The following AMACR variants were observed in gnomAD, a reference collection of about 807,000 sequenced individuals.
The protein encoded by AMACR is alpha-methylacyl-CoA racemase, also known as 2-methylacyl-CoA racemase.
AMACR carries 18 observed loss-of-function variants against 22.2 expected under a neutral mutation model. That is an observed-to-expected ratio of 0.81 (90% CI 0.56 to 1.20). The LOEUF (loss-of-function observed/expected upper bound fraction) is 1.20. AMACR is among the 50% of genes most tolerant of loss of function. The pLI is 0.00. For missense variants in AMACR, 499 were observed against 490.6 expected (o/e 1.02, Z -0.16); for synonymous variants, 213 against 191.3 (o/e 1.11, Z -0.94).
Position 33,998,795 on chromosome 5 carries a change from C to A in AMACR, c.585G>T (p.Leu195=). ...ACAGACTCAATTTCTGAGTTTTCCA[C>A]AGAAAAGAACTTAAATATGCTGTTC... ...VEGTAYLSSF[L]WKTQKLSLWE... The change falls in exon 4 of 5, where the codon CTG becomes CTT. Residue 195 remains leucine, a synonymous_variant. Coordinates refer to ENST00000335606, the MANE Select transcript of AMACR (RefSeq NM_014324.6). The A allele has an allele frequency of 6.2e-7, 1 of 1,614,114 alleles. No homozygotes were observed. Among genetic ancestry groups the A allele is most frequent in the Non-Finnish European group, 8.5e-7 (1 of 1,180,006 alleles).
chr5:34,003,862 T>C (rs969707017), intron 3 of AMACR, among the ~76,000 whole-genome samples: 4 of 152,198 alleles, frequency 2.6e-5, no homozygotes, highest in African/African-American at 9.7e-5. Context: ...CCTCCAAATG[T>C]CTGTGAAAAT....
At chr5:33,990,890 T>C (rs1006788243) in intron 4 of AMACR, among the ~76,000 whole-genome samples, 1 of 152,264 alleles carries the variant, frequency 6.6e-6, no homozygotes, top group Non-Finnish European at 1.5e-5. Context: ...GTACATTTTC[T>C]TCTGTAACCA....
intron 4 of AMACR, among the ~76,000 whole-genome samples, chr5:33,996,001 T>C (rs940837931): frequency 1.3e-5 from 2 of 152,106 alleles, no homozygotes; most frequent in Admixed American, 6.5e-5. Context: ...AGCAGGAGAA[T>C]AGCCCCGAGA....
At position 34,004,682 on chromosome 5, in the gene AMACR, A is replaced by G; in HGVS notation, c.444T>C (p.Asn148=). 1 of 1,614,232 alleles carries G rather than the reference A, an allele frequency of 6.2e-7. No homozygotes were observed. Among genetic ancestry groups the G allele is most frequent in the Non-Finnish European group, 8.5e-7 (1 of 1,180,046 alleles). The change falls in exon 3 of 5, where the codon AAT becomes AAC. Residue 148 remains asparagine, a synonymous_variant. Coordinates refer to ENST00000335606, the MANE Select transcript of AMACR (RefSeq NM_014324.6). ...CACCACCAGCAAAGTCAGCCAGGAG[A>G]TTCAGCGGGGCATACGGATTCTCAC... ...RSGENPYAPL[N]LLADFAGGGL... is the part of the protein sequence containing the mutation.
At position 33,989,225 on chromosome 5, in the gene AMACR, A is replaced by G. The variant is rs1160011194; in HGVS notation, c.1017T>C (p.Ser339=). 2 of 1,614,156 alleles carry G rather than the reference A, an allele frequency of 1.2e-6. No individual in the cohort carries two copies. The highest frequency in any genetic ancestry group is 3.3e-5 in the Admixed American group (2 of 60,028). The stretch of plus-strand genomic sequence containing the variant: ...CTCCTATGAAAGGATCCCTTTTGAA[A>G]GAAGGGATGGCTGGGGTGTTTAACA... ...PLLLNTPAIP[S]FKRDPFIGEH... is the part of the protein sequence containing the mutation. The change falls in exon 5 of 5, where the codon TCT becomes TCC. Residue 339 remains serine (S), a synonymous_variant. Coordinates refer to ENST00000335606, the MANE Select transcript of AMACR (RefSeq NM_014324.6).
intron 1 of AMACR, among the ~76,000 whole-genome samples, chr5:34,006,288 G>A (rs1753975656): frequency 6.6e-6 from 1 of 152,132 alleles, no homozygotes; most frequent in African/African-American, 2.4e-5. Flanking sequence ...ATCAGCTCAT[G>A]AGCTCCTCCT....
intron 4 of AMACR, 24 bp from the exon 5 acceptor site, chr5:33,989,526 AATT>A: frequency 6.3e-7 from 1 of 1,584,512 alleles, no homozygotes; most frequent in Non-Finnish European, 8.7e-7. Context: ...CAATTTCCTA[AATT>A]ATTATGCTTT....
intron 1 of AMACR, 142 bp downstream of exon 1, chr5:34,007,631 G>A: frequency 8.0e-7 from 1 of 1,256,562 alleles, no homozygotes; most frequent in South Asian, 1.6e-5. Flanking sequence ...TACCCTAGGA[G>A]GCAAAAATCT....
rs2112072698 is a variant in AMACR at position 34,005,864 on chromosome 5, G to C, written c.283C>G (p.Leu95Val). 1 of 1,614,196 alleles carries C rather than the reference G, an allele frequency of 6.2e-7. No individual in the cohort carries two copies. The change falls in exon 2 of 5, where the codon CTG becomes GTG. Residue 95 changes from leucine (L) to valine (V), a missense_variant. By Grantham distance (32) the Leu-to-Val change is conservative (BLOSUM62 1). Coordinates refer to ENST00000335606, the MANE Select transcript of AMACR (RefSeq NM_014324.6). The stretch of plus-strand genomic sequence containing the variant: ...ATAAGCCTTGGATTTTCCCGCTGCA[G>C]AATCTCTGGGCCCAGCTGGAGTTTC... ...MEKLQLGPEI[L>V]QRENPRLIYA...
chr5:33,995,223 G>A (rs1010219646), intron 4 of AMACR, among the ~76,000 whole-genome samples: 1 of 152,188 alleles, frequency 6.6e-6, no homozygotes, highest in Non-Finnish European at 1.5e-5. Flanking sequence ...GACTGCTGCA[G>A]TATTGCAGTG....
intron 3 of AMACR, among the ~76,000 whole-genome samples, chr5:33,999,992 A>G (rs1753766703): frequency 6.6e-6 from 1 of 152,244 alleles, no homozygotes. Context: ...TGTTTATGTT[A>G]TTTAAGCACA....
chr5:33,996,638 T>TGTGGTAGTGAG (rs11272840), intron 4 of AMACR, among the ~76,000 whole-genome samples: 10 of 152,002 alleles, frequency 6.6e-5, no homozygotes, highest in African/African-American at 2.4e-4. Context: ...ATAAAAAATT[T>TGTGGTAGTGAG]TGCCTATAGT....
intron 3 of AMACR, among the ~76,000 whole-genome samples, chr5:34,003,242 C>CTGAAAT (rs1554006003): frequency 2.6e-5 from 4 of 152,162 alleles, no homozygotes; most frequent in African/African-American, 9.7e-5. Flanking sequence ...CCAAATAACT[C>CTGAAAT]CGAAATCTGT....
chr5:34,006,823 C>A (rs893598626), intron 1 of AMACR, among the ~76,000 whole-genome samples: 2 of 152,226 alleles, frequency 1.3e-5, no homozygotes, highest in Non-Finnish European at 2.9e-5. Context: ...TTACCGATTT[C>A]CCACTATAGA....
Position 34,007,985 on chromosome 5 carries a change from G to C in AMACR, c.35C>G (p.Ser12Cys). The C allele has an allele frequency of 6.2e-7, 1 of 1,611,638 alleles. No homozygotes were observed. Among genetic ancestry groups the C allele is most frequent in the South Asian group, 1.1e-5 (1 of 91,072 alleles). The change falls in exon 1 of 5, where the codon TCC becomes TGC. Residue 12 changes from serine (S) to cysteine (C), a missense_variant. Coordinates refer to ENST00000335606, the MANE Select transcript of AMACR (RefSeq NM_014324.6). ...ALQGISVVELSGLAPGPFCAM... is the reference protein window; with the variant it reads ...ALQGISVVELCGLAPGPFCAM... ...ACAGAACGGGCCCGGGGCCAGGCCGGACAGCTCCACGACCGAGATGCCCTG... is the reference window on the plus strand; with the variant it reads ...ACAGAACGGGCCCGGGGCCAGGCCGCACAGCTCCACGACCGAGATGCCCTG...
chr5:33,997,721 G>A (rs912668641), intron 4 of AMACR: 1 of 583,628 alleles, frequency 1.7e-6, no homozygotes, highest in East Asian at 2.8e-5. Context: ...AAACCATTGT[G>A]TTCTTCTATA....
chr5:34,007,067 C>A (rs185560808), intron 1 of AMACR, among the ~76,000 whole-genome samples: 1 of 152,300 alleles, frequency 6.6e-6, no homozygotes, highest in African/African-American at 2.4e-5. Context: ...TGATGAAGTA[C>A]AAGTTTGAGA....
chr5:34,006,738 T>G (rs981657560), intron 1 of AMACR, among the ~76,000 whole-genome samples: 1 of 152,258 alleles, frequency 6.6e-6, no homozygotes, highest in African/African-American at 2.4e-5. Context: ...AAGCCTCAAA[T>G]ACAGCTGTGA....
chr5:33,990,909 A>G (rs1343139450), intron 4 of AMACR, among the ~76,000 whole-genome samples: 1 of 152,248 alleles, frequency 6.6e-6, no homozygotes, highest in Non-Finnish European at 1.5e-5. Context: ...CACCAGTCCC[A>G]TTCAAATACC....
Sources: allele counts gnomAD v4.1 joint callset (sites outside exome capture counted in the v4.1 genomes callset), GRCh38; gene constraint gnomAD v4.1.1; transcripts MANE v1.5; gene names NCBI Gene and HGNC (gene_info 2026-07-23, HGNC 2026-07-21).